The following RSRC1 variants were observed in gnomAD, a reference collection of about 807,000 sequenced individuals.
RSRC1 encodes the protein serine/Arginine-related protein 53.
In RSRC1, 39 loss-of-function variants were observed where a neutral mutation model predicts 49.1. The ratio of observed to expected loss-of-function variants is 0.79; its 90% CI spans 0.61 to 1.04. The LOEUF (loss-of-function observed/expected upper bound fraction) is 1.04, where lower values mean the gene tolerates loss of function less well. Among genes scored for constraint, RSRC1 ranks in the 50% least tolerant of loss-of-function variants. The pLI is 0.00. For missense variants in RSRC1, 388 were observed against 402.4 expected (o/e 0.96, Z 0.31); for synonymous variants, 143 against 130.8 (o/e 1.09, Z -0.63).
intron 4 of RSRC1, among the ~76,000 whole-genome samples, chr3:158,294,557 T>G (rs827128): frequency 0.43 from 65,440 of 151,666 alleles, 14,434 homozygotes; most frequent in East Asian, 0.64. Flanking sequence ...TTTAGCTGCC[T>G]TGGATAGCAA....
chr3:158,188,043 A>G (rs994065103), intron 3 of RSRC1, among the ~76,000 whole-genome samples: 2 of 151,952 alleles, frequency 1.3e-5, no homozygotes, highest in Non-Finnish European at 2.9e-5. Context: ...GCTATACTTT[A>G]CCAATATCAA....
chr3:158,517,444 T>A (rs1296946571), intron 7 of RSRC1, among the ~76,000 whole-genome samples: 10 of 152,188 alleles, frequency 6.6e-5, no homozygotes, highest in Non-Finnish European at 1.3e-4. Context: ...ATTAAGGTAT[T>A]GCTTTTTAAT....
chr3:158,401,933 A>G (rs1733914061), intron 6 of RSRC1, among the ~76,000 whole-genome samples: 1 of 151,952 alleles, frequency 6.6e-6, no homozygotes, highest in East Asian at 1.9e-4. Context: ...GTGGAAATGA[A>G]CAGTTCACAC....
At chr3:158,277,437 GTTA>G (rs1452404314) in intron 4 of RSRC1, among the ~76,000 whole-genome samples, 3 of 152,050 alleles carry the variant, frequency 2.0e-5, no homozygotes, top group African/African-American at 7.2e-5. Flanking sequence ...TTGTCTTTTA[GTTA>G]TTATACTGCA....
At chr3:158,517,475 G>A (rs1039994629) in intron 7 of RSRC1, among the ~76,000 whole-genome samples, 1 of 151,980 alleles carries the variant, frequency 6.6e-6, no homozygotes, top group African/African-American at 2.4e-5. Context: ...TATGATACTT[G>A]CTTTATCTTT....
chr3:158,170,307 CT>C (rs11400606), intron 3 of RSRC1, among the ~76,000 whole-genome samples: 17 of 143,172 alleles, frequency 1.2e-4, no homozygotes, highest in South Asian at 2.2e-4. Flanking sequence ...TCTGGTCTGC[CT>C]TTTTTTTTTT....
At chr3:158,133,695 C>G (rs1477803167) in intron 3 of RSRC1, among the ~76,000 whole-genome samples, 1 of 152,140 alleles carries the variant, frequency 6.6e-6, no homozygotes, top group Non-Finnish European at 1.5e-5. Flanking sequence ...TATTTCAGCT[C>G]TACAAAATTT....
chr3:158,352,438 A>C (rs1730927931), intron 5 of RSRC1, among the ~76,000 whole-genome samples: 1 of 152,152 alleles, frequency 6.6e-6, no homozygotes, highest in African/African-American at 2.4e-5. Flanking sequence ...GGTATACATT[A>C]TTATGTATTT....
intron 7 of RSRC1, among the ~76,000 whole-genome samples, chr3:158,480,498 C>T (rs774508715): frequency 3.3e-5 from 5 of 151,738 alleles, no homozygotes; most frequent in African/African-American, 4.8e-5. Flanking sequence ...GCTCTGAATG[C>T]GAAATTTGGT....
chr3:158,383,034 A>G (rs1409249956), intron 6 of RSRC1, among the ~76,000 whole-genome samples: 1 of 152,202 alleles, frequency 6.6e-6, no homozygotes, highest in African/African-American at 2.4e-5. Flanking sequence ...AATTATTCAG[A>G]AATAGTAGAA....
chr3:158,313,881 A>G (rs1237955395), intron 5 of RSRC1, among the ~76,000 whole-genome samples: 1 of 152,250 alleles, frequency 6.6e-6, no homozygotes, highest in Non-Finnish European at 1.5e-5. Context: ...TTAAAAACTA[A>G]TTAGTACTTT....
intron 3 of RSRC1, among the ~76,000 whole-genome samples, chr3:158,199,005 T>C (rs1720850938): frequency 6.6e-6 from 1 of 152,196 alleles, no homozygotes; most frequent in Non-Finnish European, 1.5e-5. Flanking sequence ...TCTCATCTTG[T>C]AGCTCCCATA....
At position 158,129,819 on chromosome 3, in the gene RSRC1, A is replaced by G. The variant is rs1715895529; in HGVS notation, c.320+5828A>G. On this transcript the variant is annotated intron_variant, in intron 3 of 9. Transcript: ENST00000611884. ...TTAGAATCAACTTGACAATTTTGTC[A>G]AAAGCTTGCTGGGACTTTGATTGGA... Among the ~76,000 whole-genome samples, 3 of 152,316 alleles carry G rather than the reference A, an allele frequency of 2.0e-5. No homozygotes were observed. The South Asian group carries it at 6.2e-4, about 32-fold the overall frequency.
At chr3:158,352,274 A>T (rs947169614) in intron 5 of RSRC1, among the ~76,000 whole-genome samples, 1 of 152,120 alleles carries the variant, frequency 6.6e-6, no homozygotes, top group Non-Finnish European at 1.5e-5. Context: ...CCTATCTCTT[A>T]CAAAAAAGAA....
chr3:158,259,280 T>G (rs1445903901), intron 4 of RSRC1, among the ~76,000 whole-genome samples: 1 of 152,212 alleles, frequency 6.6e-6, no homozygotes, highest in African/African-American at 2.4e-5. Context: ...GGCATCTATA[T>G]CTGCATTAGG....
At chr3:158,470,980 G>T (rs1298157703) in intron 7 of RSRC1, among the ~76,000 whole-genome samples, 1 of 152,208 alleles carries the variant, frequency 6.6e-6, no homozygotes. Context: ...ATCCTAGGCT[G>T]GAAAACCAAG....
intron 5 of RSRC1, among the ~76,000 whole-genome samples, chr3:158,321,578 AC>A (rs1728764564): frequency 5.3e-5 from 8 of 150,412 alleles, no homozygotes; most frequent in Non-Finnish European, 8.9e-5. Context: ...TTTTTTTTAA[AC>A]ACACTATGTA....
At chr3:158,132,235 CT>C in intron 3 of RSRC1, 1 of 365,404 alleles carries the variant, frequency 2.7e-6, no homozygotes, top group Non-Finnish European at 5.8e-6. Context: ...ATCCCCCTGC[CT>C]TGGCCTCACT....
At chr3:158,453,029 T>C (rs1340234607) in intron 6 of RSRC1, among the ~76,000 whole-genome samples, 1 of 152,200 alleles carries the variant, frequency 6.6e-6, no homozygotes, top group Admixed American at 6.5e-5. Context: ...ACTTGCTTTT[T>C]TATTTAATAT....
Sources: allele counts gnomAD v4.1 joint callset (sites outside exome capture counted in the v4.1 genomes callset), GRCh38; gene constraint gnomAD v4.1.1; transcripts MANE v1.5; gene names NCBI Gene and HGNC (gene_info 2026-07-23, HGNC 2026-07-21).